ACSL3: variants seen among roughly 807,000 people sequenced by gnomAD.
ACSL3 encodes fatty acid CoA ligase Acsl3.
ACSL3 carries 34 observed loss-of-function variants against 84.7 expected under a neutral mutation model. The ratio of observed to expected loss-of-function variants is 0.40; its 90% confidence interval spans 0.31 to 0.53. ACSL3 has a LOEUF of 0.53. ACSL3 is among the 20% of genes least tolerant of loss of function. The probability of loss-of-function intolerance (pLI) is 0.48; values close to 1 mark genes in which losing one functional copy is unlikely to be tolerated. For synonymous variants in ACSL3, 315 were observed against 299.4 expected (o/e 1.05, Z -0.54); for missense variants, 680 against 873.1 (o/e 0.78, Z 2.79).
intron 2 of ACSL3, among the ~76,000 whole-genome samples, chr2:222,892,407 C>T (rs969368515): frequency 6.6e-6 from 1 of 152,092 alleles, no homozygotes; most frequent in Non-Finnish European, 1.5e-5. Flanking sequence ...TTTGTGAGAA[C>T]CAGGGTGCCC....
chr2:222,907,717 A>G (rs1279551324), intron 3 of ACSL3, among the ~76,000 whole-genome samples: 3 of 151,696 alleles, frequency 2.0e-5, no homozygotes, highest in Middle Eastern at 3.2e-3. Context: ...GTGAGCTATA[A>G]TCTTGTACTG....
intron 1 of ACSL3, among the ~76,000 whole-genome samples, chr2:222,879,772 A>G (rs1241074562): frequency 6.6e-6 from 1 of 152,252 alleles, no homozygotes. Flanking sequence ...GGGACAGAAC[A>G]GTATCACATA....
In ACSL3 at chr2:222,921,183, TTTGA is replaced by T. The variant is rs1370907989; in HGVS notation, c.806-92_806-89del. ...GTTGAATTGAGTTAAATTAACTCAATTTGATTGAGTTATTTATTTGATGATAATG... is the reference window on the plus strand; with the variant it reads ...GTTGAATTGAGTTAAATTAACTCAATTTGAGTTATTTATTTGATGATAATG... On this transcript the variant is annotated intron_variant, in intron 7 of 16. Coordinates refer to ENST00000357430, the MANE Select transcript of ACSL3 (RefSeq NM_004457.5). 115 of 1,366,518 alleles carry T rather than the reference TTTGA, an allele frequency of 8.4e-5. 1 individual carries two copies. The South Asian group carries it at 1.1e-3, about 13-fold the overall frequency. The allele number at this position is 1,366,518 out of a possible 1,614,324, so 84.6% of individuals were successfully genotyped here.
chr2:222,898,480 G>C (rs923834263), intron 2 of ACSL3, among the ~76,000 whole-genome samples: 4 of 152,192 alleles, frequency 2.6e-5, no homozygotes, highest in African/African-American at 9.7e-5. Context: ...GGGGCAGTAA[G>C]GAACATAGGG....
chr2:222,889,019 G>A (rs1003720233), intron 2 of ACSL3, among the ~76,000 whole-genome samples: 6 of 152,272 alleles, frequency 3.9e-5, no homozygotes, highest in Admixed American at 2.6e-4. Flanking sequence ...TGGGTTATGG[G>A]AACTCCAAAC....
chr2:222,893,167 C>A (rs1398173127), intron 2 of ACSL3, among the ~76,000 whole-genome samples: 1 of 152,168 alleles, frequency 6.6e-6, no homozygotes, highest in African/African-American at 2.4e-5. Context: ...TATCAAGATG[C>A]ACCGTCTGCA....
At chr2:222,870,191 TC>T (rs750595066) in intron 1 of ACSL3, among the ~76,000 whole-genome samples, 9 of 152,116 alleles carry the variant, frequency 5.9e-5, no homozygotes, top group African/African-American at 7.2e-5. Flanking sequence ...TACCTCCTTT[TC>T]CCCCTCCTTT....
At chr2:222,908,281 G>A (rs921330049) in intron 3 of ACSL3, among the ~76,000 whole-genome samples, 8 of 152,342 alleles carry the variant, frequency 5.3e-5, no homozygotes, top group Middle Eastern at 3.4e-3. Context: ...GCTGACTAGA[G>A]TGAGAATGGG....
At chr2:222,918,901 C>CT (rs1425427446) in intron 6 of ACSL3, among the ~76,000 whole-genome samples, 163 bp from the exon 7 acceptor site, 5 of 152,008 alleles carry the variant, frequency 3.3e-5, no homozygotes, top group Non-Finnish European at 7.4e-5. Context: ...CAGACCAATA[C>CT]TTAATCATCT....
chr2:222,937,718 A>G (rs1697211003), intron 16 of ACSL3, among the ~76,000 whole-genome samples: 1 of 152,112 alleles, frequency 6.6e-6, no homozygotes, highest in Non-Finnish European at 1.5e-5. Context: ...TGTGGATGGC[A>G]TATACTTGAG....
intron 3 of ACSL3, 52 bp from the exon 4 acceptor site, chr2:222,908,681 A>T: frequency 7.8e-7 from 1 of 1,288,004 alleles, no homozygotes; most frequent in Non-Finnish European, 1.1e-6. Flanking sequence ...ACTTTTCTTT[A>T]AATTATTTTA....
At chr2:222,915,196 T>C (rs1696545001) in intron 4 of ACSL3, among the ~76,000 whole-genome samples, 1 of 152,198 alleles carries the variant, frequency 6.6e-6, no homozygotes, top group Non-Finnish European at 1.5e-5. Context: ...TTTGAAGTCA[T>C]TGGAGCTCCC....
chr2:222,862,874 G>A (rs1695048993), intron 1 of ACSL3, among the ~76,000 whole-genome samples: 1 of 152,160 alleles, frequency 6.6e-6, no homozygotes, highest in Middle Eastern at 3.2e-3. Context: ...GGTCTAAAAT[G>A]TTCTCCTTGA....
intron 16 of ACSL3, among the ~76,000 whole-genome samples, chr2:222,938,072 C>T (rs1574571382): frequency 6.6e-6 from 1 of 152,232 alleles, no homozygotes; most frequent in East Asian, 1.9e-4. Flanking sequence ...AAACTTGACT[C>T]CTTTGTAACT....
rs772406735 is a variant in ACSL3 at position 222,941,706 on chromosome 2, A to G, written c.*52A>G. On this transcript the variant is annotated 3_prime_UTR_variant, in exon 17 of 17. Transcript: ENST00000357430. ...ACAGTGAGCTCAGATCAAATAGGAA[A>G]ATACTTGAAATGCATGTCTCAAGCT... is the stretch of plus-strand genomic sequence containing the variant. 1 of 1,528,442 alleles carries G rather than the reference A, an allele frequency of 6.5e-7. No individual in the cohort carries two copies. Among genetic ancestry groups the G allele is most frequent in the Non-Finnish European group, 8.8e-7 (1 of 1,132,996 alleles). 94.7% of individuals were successfully genotyped at this position (1,528,442 alleles called of 1,614,324 possible). A position where few individuals can be genotyped will look rare whatever the true frequency, so the allele number is the denominator to read the frequency against.
At position 222,882,761 on chromosome 2, in the gene ACSL3, G is replaced by GTTTTTT. The variant is rs71408540; in HGVS notation, c.-206-5055_-206-5050dup. 8.7e-3 allele frequency among the ~76,000 whole-genome samples: 1,048 copies of GTTTTTT among 119,886 alleles called. 58 individuals carry two copies. The highest frequency in any genetic ancestry group is 0.022 in the East Asian group (82 of 3,780). The allele number at this position is 119,886 out of a possible 152,430, so 78.6% of individuals were successfully genotyped here. ...TTGTCTGGAATACCTCCAGATCACT[G>GTTTTTT]TTTTTTTTTTTTTTTTTTTGAAGAC... On this transcript the variant is annotated intron_variant, in intron 1 of 16. Coordinates refer to ENST00000357430, the MANE Select transcript of ACSL3 (RefSeq NM_004457.5).
chr2:222,939,045 C>T (rs1217396469), intron 16 of ACSL3, among the ~76,000 whole-genome samples: 3 of 151,784 alleles, frequency 2.0e-5, no homozygotes, highest in Non-Finnish European at 4.4e-5. Flanking sequence ...TCTGTACTCT[C>T]TTGTAATTCA....
chr2:222,876,465 G>A (rs1184166016), intron 1 of ACSL3, among the ~76,000 whole-genome samples: 2 of 152,016 alleles, frequency 1.3e-5, no homozygotes, highest in Non-Finnish European at 2.9e-5. Flanking sequence ...GGGACTACAG[G>A]CGTGTGCCAC....
chr2:222,934,436 TGAG>T (rs895721458), intron 15 of ACSL3, 91 bp from the exon 16 acceptor site: 53 of 1,040,552 alleles, frequency 5.1e-5, no homozygotes, highest in East Asian at 2.2e-4. Flanking sequence ...TTAAAAAAAA[TGAG>T]GAGTTATTTA....
Sources: gnomAD v4.1 joint callset for allele counts (sites outside exome capture counted in the v4.1 genomes callset) on GRCh38, gnomAD v4.1.1 for gene constraint, MANE v1.5 for transcripts, NCBI Gene and HGNC (gene_info 2026-07-23, HGNC 2026-07-21) for gene names.